The following MTHFD1L variants were observed in gnomAD, a reference collection of about 807,000 sequenced individuals.
The protein encoded by MTHFD1L is monofunctional C1-tetrahydrofolate synthase, mitochondrial.
MTHFD1L carries 81 observed loss-of-function variants against 119.5 expected under a neutral mutation model. That is an observed-to-expected ratio of 0.68 (90% confidence interval 0.57 to 0.82). MTHFD1L has a LOEUF of 0.82. MTHFD1L is among the 40% of genes least tolerant of loss of function. The pLI is 0.00. For missense variants in MTHFD1L, 1,125 were observed against 1,253.4 expected, an observed-to-expected ratio of 0.90 and a Z score of 1.55; for synonymous variants, 430 against 475.2, an observed-to-expected ratio of 0.90 and a Z score of 1.24.
intron 21 of MTHFD1L, 21 bp downstream of exon 21, chr6:151,009,979 C>T: frequency 6.4e-7 from 1 of 1,552,166 alleles, no homozygotes; most frequent in Non-Finnish European, 8.6e-7. Flanking sequence ...ACACCGCCTT[C>T]CTAATACCAA....
intron 26 of MTHFD1L, among the ~76,000 whole-genome samples, chr6:151,077,025 G>A (rs1362553917): frequency 6.6e-6 from 1 of 151,998 alleles, no homozygotes; most frequent in African/African-American, 2.4e-5. Flanking sequence ...AGAAAAATGA[G>A]GAAAAAGTTT....
At chr6:151,085,137 G>T (rs1287785211) in intron 26 of MTHFD1L, among the ~76,000 whole-genome samples, 7 of 151,286 alleles carry the variant, frequency 4.6e-5, no homozygotes, top group Middle Eastern at 3.4e-3. Flanking sequence ...ATTTGCAGAG[G>T]TTACCTCTGG....
chr6:151,056,256 G>A (rs1302135814), intron 26 of MTHFD1L, among the ~76,000 whole-genome samples: 1 of 152,158 alleles, frequency 6.6e-6, no homozygotes, highest in Admixed American at 6.5e-5. Context: ...GTGTTTGGGT[G>A]GGTTAGTCAC....
intron 11 of MTHFD1L, among the ~76,000 whole-genome samples, chr6:150,931,713 T>C (rs1791073601): frequency 6.6e-6 from 1 of 152,234 alleles, no homozygotes; most frequent in Non-Finnish European, 1.5e-5. Context: ...TCTGGGTCTT[T>C]AGAATAGTTC....
At chr6:150,869,455 C>T (rs1779029124) in intron 1 of MTHFD1L, among the ~76,000 whole-genome samples, 1 of 152,086 alleles carries the variant, frequency 6.6e-6, no homozygotes, top group Admixed American at 6.6e-5. Flanking sequence ...TGTTGGTTTG[C>T]TGAGGATGAT....
chr6:150,990,299 A>G (rs1332689590), intron 20 of MTHFD1L, among the ~76,000 whole-genome samples: 1 of 151,970 alleles, frequency 6.6e-6, no homozygotes, highest in Non-Finnish European at 1.5e-5. Flanking sequence ...AGGCTTTTTC[A>G]AGAACCATGA....
intron 4 of MTHFD1L, among the ~76,000 whole-genome samples, chr6:150,879,502 T>G (rs1348176576): frequency 1.3e-5 from 2 of 151,944 alleles, no homozygotes; most frequent in African/African-American, 4.8e-5. Context: ...TTGACCAGGC[T>G]GGTCTTGAAC....
chr6:150,912,714 A>T, intron 8 of MTHFD1L: 1 of 516,200 alleles, frequency 1.9e-6, no homozygotes, highest in Non-Finnish European at 4.0e-6. Flanking sequence ...AAAGTGATTC[A>T]TTGACTTGTC....
rs146872509 is a variant in MTHFD1L, at chr6:151,066,900, A to G, written c.2848-25567A>G. Among the ~76,000 whole-genome samples the G allele has an allele frequency of 7.2e-5, 11 of 152,088 alleles. No homozygotes were observed. In the East Asian group the frequency reaches 1.7e-3, roughly 24 times the overall value. ...CATCTTATTCCCACAAAATTCCTAG[A>G]GTTACTCATCATTTTCCTTTCATAT... On this transcript the variant is annotated intron_variant, in intron 26 of 27. Transcript: ENST00000367321.
chr6:150,874,645 A>AG (rs1315990246), intron 1 of MTHFD1L, among the ~76,000 whole-genome samples: 4 of 152,122 alleles, frequency 2.6e-5, no homozygotes, highest in Non-Finnish European at 5.9e-5. Context: ...CTATTGTGAG[A>AG]GGGGGAAAAG....
At chr6:150,904,174 T>C (rs1404195710) in intron 7 of MTHFD1L, among the ~76,000 whole-genome samples, 1 of 152,246 alleles carries the variant, frequency 6.6e-6, no homozygotes, top group Non-Finnish European at 1.5e-5. Flanking sequence ...CTACAGGATC[T>C]TTAATGATCA....
chr6:151,047,928 C>T (rs1288523272), intron 26 of MTHFD1L, among the ~76,000 whole-genome samples: 1 of 152,112 alleles, frequency 6.6e-6, no homozygotes, highest in African/African-American at 2.4e-5. Flanking sequence ...AGGAAACTTA[C>T]AATCATGGTG....
chr6:150,967,585 C>T (rs1158519947), intron 19 of MTHFD1L, among the ~76,000 whole-genome samples: 2 of 152,204 alleles, frequency 1.3e-5, no homozygotes, highest in Non-Finnish European at 2.9e-5. Context: ...CTACTTCCTT[C>T]CAGCTCGCTG....
At chr6:150,921,111 C>T (rs1469827723) in intron 9 of MTHFD1L, among the ~76,000 whole-genome samples, 3 of 151,346 alleles carry the variant, frequency 2.0e-5, no homozygotes, top group African/African-American at 4.9e-5. Context: ...GCCACCACCA[C>T]GCCCGGCTAA....
rs374200172 is a variant in MTHFD1L, at chr6:151,037,124, G to C, written c.2847+7G>C. On this transcript the variant is annotated splice_region_variant and intron_variant, in intron 26 of 27. Transcript: ENST00000367321. ...TTACCCTTTGGTCGGAACGGTGAGT[G>C]AGTCACATTTTCCAAAAACCCTCCC... is the stretch of plus-strand genomic sequence containing the variant. The C allele has an allele frequency of 1.2e-6, 2 of 1,611,702 alleles. No homozygotes were observed. The highest frequency in any genetic ancestry group is 1.7e-6 in the Non-Finnish European group (2 of 1,179,694).
chr6:151,095,946 A>T (rs1794861821), intron 27 of MTHFD1L, among the ~76,000 whole-genome samples: 1 of 152,144 alleles, frequency 6.6e-6, no homozygotes, highest in Admixed American at 6.5e-5. Flanking sequence ...AGCTGCAAGA[A>T]CTCTGCCCAG....
intron 14 of MTHFD1L, among the ~76,000 whole-genome samples, chr6:150,945,108 G>A (rs894910299): frequency 6.6e-6 from 1 of 152,204 alleles, no homozygotes; most frequent in African/African-American, 2.4e-5. Flanking sequence ...ATAGATAAAA[G>A]GGGTACCTTC....
chr6:150,987,139 A>G (rs1451297018), intron 20 of MTHFD1L, among the ~76,000 whole-genome samples: 1 of 152,190 alleles, frequency 6.6e-6, no homozygotes, highest in African/African-American at 2.4e-5. Context: ...ATAATATAGT[A>G]TTGTGTATAG....
intron 20 of MTHFD1L, among the ~76,000 whole-genome samples, chr6:150,997,746 G>A (rs1409030331): frequency 2.6e-5 from 4 of 152,042 alleles, no homozygotes; most frequent in African/African-American, 4.8e-5. Flanking sequence ...AGTTATGATC[G>A]TACCACTGCA....
Sources: gnomAD v4.1 joint callset for allele counts (sites outside exome capture counted in the v4.1 genomes callset) on GRCh38, gnomAD v4.1.1 for gene constraint, MANE v1.5 for transcripts, NCBI Gene and HGNC (gene_info 2026-07-23, HGNC 2026-07-21) for gene names.